KRTAP19-1: variants seen among roughly 807,000 people sequenced by gnomAD.
KRTAP19-1 encodes the protein keratin-associated protein 19-1.
For missense variants in KRTAP19-1, 116 were observed against 113.6 expected (o/e 1.02, Z -0.10); for synonymous variants, 45 against 48.3 (o/e 0.93, Z 0.28).
Position 30,480,112 on chromosome 21 carries a change from C to A in KRTAP19-1, c.206G>T (p.Gly69Val), listed in dbSNP as rs1985728821. ...FGGYGYGSGF[G>V]GYGYGCCRPS... ...GCGGCAGCAGCCATATCCATAGCCTCCAAAGCCAGAGCCATATCCGTAGCC... is the reference window on the plus strand; with the variant it reads ...GCGGCAGCAGCCATATCCATAGCCTACAAAGCCAGAGCCATATCCGTAGCC... Residue 69 changes from glycine to valine, a missense_variant, in exon 1 of 1, where the codon GGA (glycine) becomes GTA (valine). Gly to Val is a moderately radical substitution (Grantham distance 109). Coordinates refer to ENST00000390689, the MANE Select transcript of KRTAP19-1 (RefSeq NM_181607.3). 2 of 1,600,112 alleles carry A rather than the reference C, an allele frequency of 1.2e-6. No individual in the cohort carries two copies. The highest frequency in any genetic ancestry group is 1.3e-5 in the African/African-American group (1 of 74,704).
chr21:30,479,860 A>T lies in KRTAP19-1; in HGVS notation c.*185T>A, dbSNP rs1985720063. 1 of 841,522 alleles carries T rather than the reference A, an allele frequency of 1.2e-6. No individual in the cohort carries two copies. Among genetic ancestry groups the T allele is most frequent in the Non-Finnish European group, 1.8e-6 (1 of 540,992 alleles). 52.1% of individuals were successfully genotyped at this position (841,522 alleles called of 1,614,324 possible). A position where few individuals can be genotyped will look rare whatever the true frequency, so the allele number is the denominator to read the frequency against. ...ACATGAATATGATTTCAGGTGACGGACTCCGAAAGTAAAAAGACAACAAAT... is the reference window on the plus strand; with the variant it reads ...ACATGAATATGATTTCAGGTGACGGTCTCCGAAAGTAAAAAGACAACAAAT... On this transcript the variant is annotated 3_prime_UTR_variant, in exon 1 of 1. Coordinates refer to ENST00000390689, the MANE Select transcript of KRTAP19-1 (RefSeq NM_181607.3).
At position 30,480,313 on chromosome 21, in the gene KRTAP19-1, C is replaced by T; in HGVS notation, c.5G>A (p.Ser2Asn). Residue 2 changes from serine (S) to asparagine (N), a missense_variant, in exon 1 of 1, where the codon AGT becomes AAT. Coordinates refer to ENST00000390689, the MANE Select transcript of KRTAP19-1 (RefSeq NM_181607.3). M[S>N]HYGSYYGGLG... ...GCCTCCGTAGTAGCTGCCGTAGTGA[C>T]TCATGGTGTCAGGAGTGGTGAGTTG... The T allele has an allele frequency of 6.2e-7, 1 of 1,614,158 alleles. No individual in the cohort carries two copies. The highest frequency in any genetic ancestry group is 8.5e-7 in the Non-Finnish European group (1 of 1,180,006).
In KRTAP19-1 at chr21:30,480,274, C is replaced by T; in HGVS notation, c.44G>A (p.Cys15Tyr). The T allele has an allele frequency of 5.6e-6, 9 of 1,614,208 alleles. No homozygotes were observed. The highest frequency in any genetic ancestry group is 7.6e-6 in the Non-Finnish European group (9 of 1,180,032). Residue 15 changes from cysteine (C) to tyrosine (Y), a missense_variant, in exon 1 of 1, where the codon TGT becomes TAT. By Grantham distance (194) the Cys-to-Tyr change is radical. Coordinates refer to ENST00000390689, the MANE Select transcript of KRTAP19-1 (RefSeq NM_181607.3). The part of the protein sequence containing the change: ...GSYYGGLGYS[C>Y]GGFGGLGYGY... ...ATAGCCCAGGCCACCGAAGCCTCCA[C>T]AGCTGTAGCCCAGGCCTCCGTAGTA...
chr21:30,480,363 A>T lies in KRTAP19-1; in HGVS notation c.-46T>A. On this transcript the variant is annotated 5_prime_UTR_variant, in exon 1 of 1. Coordinates refer to ENST00000390689, the MANE Select transcript of KRTAP19-1 (RefSeq NM_181607.3). Reference sequence around the variant, plus strand: ...GGTTTGTTGTTCAGGCAAGATCCTGAGTGTGAATGCCAGCATGTATAGGAG... The same window carrying T: ...GGTTTGTTGTTCAGGCAAGATCCTGTGTGTGAATGCCAGCATGTATAGGAG... 6.2e-7 allele frequency: 1 copy of T among 1,608,836 alleles called. No individual in the cohort carries two copies. Among genetic ancestry groups the T allele is most frequent in the Non-Finnish European group, 8.5e-7 (1 of 1,175,614 alleles).
rs1166711679 is a variant in KRTAP19-1 at position 30,480,105 on chromosome 21, A to G, written c.213T>C (p.Tyr71=). 3.1e-6 allele frequency: 5 copies of G among 1,613,876 alleles called. No individual in the cohort carries two copies. The highest frequency in any genetic ancestry group is 2.7e-5 in the African/African-American group (2 of 74,902). ...ACGATGGGCGGCAGCAGCCATATCC[A>G]TAGCCTCCAAAGCCAGAGCCATATC... ...GYGYGSGFGG[Y]GYGCCRPSYN... The change falls in exon 1 of 1, where the codon TAT becomes TAC. Residue 71 remains tyrosine, a synonymous_variant. Transcript: ENST00000390689.
Position 30,479,858 on chromosome 21 carries a change from G to T in KRTAP19-1, c.*187C>A, listed in dbSNP as rs879339238. 1.2e-6 allele frequency: 1 copy of T among 828,372 alleles called. No individual in the cohort carries two copies. The allele number at this position is 828,372 out of a possible 1,614,324, so 51.3% of individuals were successfully genotyped here. ...ATACATGAATATGATTTCAGGTGAC[G>T]GACTCCGAAAGTAAAAAGACAACAA... On this transcript the variant is annotated 3_prime_UTR_variant, in exon 1 of 1. Coordinates refer to ENST00000390689, the MANE Select transcript of KRTAP19-1 (RefSeq NM_181607.3).
Position 30,479,986 on chromosome 21 carries a change from C to T in KRTAP19-1, c.*59G>A. The T allele has an allele frequency of 1.1e-5, 18 of 1,600,634 alleles. 1 individual carries two copies. Among genetic ancestry groups the T allele is most frequent in the South Asian group, 1.1e-5 (1 of 90,312 alleles). On this transcript the variant is annotated 3_prime_UTR_variant, in exon 1 of 1. Coordinates refer to ENST00000390689, the MANE Select transcript of KRTAP19-1 (RefSeq NM_181607.3). Reference sequence around the variant, plus strand: ...AGAATGGATTTTTGGAATGAAAGCACGGGACAGGACCAAACACATTTGGAG... The same window carrying T: ...AGAATGGATTTTTGGAATGAAAGCATGGGACAGGACCAAACACATTTGGAG...
chr21:30,479,852 G>A lies in KRTAP19-1; in HGVS notation c.*193C>T, dbSNP rs1985719748. On this transcript the variant is annotated 3_prime_UTR_variant, in exon 1 of 1. Coordinates refer to ENST00000390689, the MANE Select transcript of KRTAP19-1 (RefSeq NM_181607.3). Reference sequence around the variant, plus strand: ...GTAGTTATACATGAATATGATTTCAGGTGACGGACTCCGAAAGTAAAAAGA... The same window carrying A: ...GTAGTTATACATGAATATGATTTCAAGTGACGGACTCCGAAAGTAAAAAGA... 1 of 783,716 alleles carries A rather than the reference G, an allele frequency of 1.3e-6. No individual in the cohort carries two copies. The highest frequency in any genetic ancestry group is 2.6e-5 in the East Asian group (1 of 39,200). 48.5% of individuals were successfully genotyped at this position (783,716 alleles called of 1,614,324 possible).
In KRTAP19-1 at chr21:30,479,805, A is replaced by C; in HGVS notation, c.*240T>G. ...GTAATGGTGGTAAGAAAAATAAAGC[A>C]AATTTAGAAGAACAACCTAGAGTAG... On this transcript the variant is annotated 3_prime_UTR_variant, in exon 1 of 1. Coordinates refer to ENST00000390689, the MANE Select transcript of KRTAP19-1 (RefSeq NM_181607.3). 1.7e-6 allele frequency: 1 copy of C among 573,768 alleles called. No individual in the cohort carries two copies. Among genetic ancestry groups the C allele is most frequent in the East Asian group, 3.0e-5 (1 of 33,316 alleles). The allele number at this position is 573,768 out of a possible 1,614,324, so 35.5% of individuals were successfully genotyped here.
Position 30,480,123 on chromosome 21 carries a change from G to A in KRTAP19-1, c.195C>T (p.Gly65=). Residue 65 remains glycine, a synonymous_variant, in exon 1 of 1, where the codon GGC becomes GGT. Coordinates refer to ENST00000390689, the MANE Select transcript of KRTAP19-1 (RefSeq NM_181607.3). ...CATATCCATAGCCTCCAAAGCCAGA[G>A]CCATATCCGTAGCCTCCAAAGCCAG... ...YGSGFGGYGY[G]SGFGGYGYGC... 1 of 1,600,296 alleles carries A rather than the reference G, an allele frequency of 6.2e-7. No individual in the cohort carries two copies. Among genetic ancestry groups the A allele is most frequent in the South Asian group, 1.1e-5 (1 of 91,034 alleles).
At position 30,479,907 on chromosome 21, in the gene KRTAP19-1, C is replaced by A. The variant is rs1212768414; in HGVS notation, c.*138G>T. 9.2e-6 allele frequency: 11 copies of A among 1,195,034 alleles called. No homozygotes were observed. Among genetic ancestry groups the A allele is most frequent in the East Asian group, 4.7e-5 (2 of 42,634 alleles). 74.0% of individuals were successfully genotyped at this position (1,195,034 alleles called of 1,614,324 possible). ...AAATATTCACAGAAGCAGCTTAAATCTATTTTAAAGATTTAACATAGCTAA... is the reference window on the plus strand; with the variant it reads ...AAATATTCACAGAAGCAGCTTAAATATATTTTAAAGATTTAACATAGCTAA... On this transcript the variant is annotated 3_prime_UTR_variant, in exon 1 of 1. Coordinates refer to ENST00000390689, the MANE Select transcript of KRTAP19-1 (RefSeq NM_181607.3).
Position 30,480,087 on chromosome 21 carries a change from G to A in KRTAP19-1, c.231C>T (p.Arg77=), listed in dbSNP as rs750274415. ...GFGGYGYGCC[R]PSYNGGYGFS... The stretch of plus-strand genomic sequence containing the variant: ...ATCCGTATCCTCCATTGTACGATGG[G>A]CGGCAGCAGCCATATCCATAGCCTC... Residue 77 remains arginine (R), a synonymous_variant, in exon 1 of 1, where the codon CGC becomes CGT. Transcript: ENST00000390689. 6.2e-6 allele frequency: 10 copies of A among 1,613,904 alleles called. No homozygotes were observed. Among genetic ancestry groups the A allele is most frequent in the Non-Finnish European group, 6.8e-6 (8 of 1,180,022 alleles).
At position 30,479,902 on chromosome 21, in the gene KRTAP19-1, T is replaced by C; in HGVS notation, c.*143A>G. The C allele has an allele frequency of 8.6e-7, 1 of 1,158,574 alleles. No individual in the cohort carries two copies. Among genetic ancestry groups the C allele is most frequent in the Non-Finnish European group, 1.2e-6 (1 of 812,874 alleles). 71.8% of individuals were successfully genotyped at this position (1,158,574 alleles called of 1,614,324 possible). On this transcript the variant is annotated 3_prime_UTR_variant, in exon 1 of 1. Coordinates refer to ENST00000390689, the MANE Select transcript of KRTAP19-1 (RefSeq NM_181607.3). ...ACAACAAATATTCACAGAAGCAGCTTAAATCTATTTTAAAGATTTAACATA... is the reference window on the plus strand; with the variant it reads ...ACAACAAATATTCACAGAAGCAGCTCAAATCTATTTTAAAGATTTAACATA...
In KRTAP19-1 at chr21:30,479,810, TAGA is replaced by T; in HGVS notation, c.*232_*234del. ...GGTGGTAAGAAAAATAAAGCAAATTTAGAAGAACAACCTAGAGTAGTTATACAT... is the reference window on the plus strand; with the variant it reads ...GGTGGTAAGAAAAATAAAGCAAATTTAGAACAACCTAGAGTAGTTATACAT... On this transcript the variant is annotated 3_prime_UTR_variant, in exon 1 of 1. Coordinates refer to ENST00000390689, the MANE Select transcript of KRTAP19-1 (RefSeq NM_181607.3). 1.7e-6 allele frequency: 1 copy of T among 585,264 alleles called. No individual in the cohort carries two copies. The highest frequency in any genetic ancestry group is 2.9e-6 in the Non-Finnish European group (1 of 343,830). The allele number at this position is 585,264 out of a possible 1,614,324, so 36.3% of individuals were successfully genotyped here. A position where few individuals can be genotyped will look rare whatever the true frequency, so the allele number is the denominator to read the frequency against.
chr21:30,480,205 C>G lies in KRTAP19-1; in HGVS notation c.113G>C (p.Gly38Ala). The G allele has an allele frequency of 1.9e-6, 3 of 1,614,154 alleles. No individual in the cohort carries two copies. The highest frequency in any genetic ancestry group is 2.5e-6 in the Non-Finnish European group (3 of 1,180,040). Residue 38 changes from glycine (G) to alanine (A), a missense_variant, in exon 1 of 1, where the codon GGC (glycine) becomes GCC (alanine). Gly to Ala is a moderately conservative substitution (Grantham distance 60). Coordinates refer to ENST00000390689, the MANE Select transcript of KRTAP19-1 (RefSeq NM_181607.3). ...ATATCCGTAGCCTCCATAGCCACAG[C>G]CAGAACCCCGTCTGCAGAAGCTGCC... ...GCGSFCRRGS[G>A]CGYGGYGYGS... is the part of the protein sequence containing the mutation.
chr21:30,480,032 T>C lies in KRTAP19-1; in HGVS notation c.*13A>G. 1.2e-6 allele frequency: 2 copies of C among 1,614,172 alleles called. No individual in the cohort carries two copies. Among genetic ancestry groups the C allele is most frequent in the Non-Finnish European group, 8.5e-7 (1 of 1,180,018 alleles). The stretch of plus-strand genomic sequence containing the variant: ...TGGAGGTTTCTCCTCTGCTTCCAAT[T>C]TCAGCAATTCATTTAATAAAAGCCA... On this transcript the variant is annotated 3_prime_UTR_variant, in exon 1 of 1. Transcript: ENST00000390689.
At position 30,480,101 on chromosome 21, in the gene KRTAP19-1, A is replaced by T. The variant is rs1408891532; in HGVS notation, c.217T>A (p.Tyr73Asn). ...TTGTACGATGGGCGGCAGCAGCCAT[A>T]TCCATAGCCTCCAAAGCCAGAGCCA... ...GYGSGFGGYG[Y>N]GCCRPSYNGG... The change falls in exon 1 of 1, where the codon TAT (tyrosine) becomes AAT (asparagine). Residue 73 changes from tyrosine (Y) to asparagine (N), a missense_variant. By Grantham distance (143) the Tyr-to-Asn change is moderately radical (BLOSUM62 -2). Coordinates refer to ENST00000390689, the MANE Select transcript of KRTAP19-1 (RefSeq NM_181607.3). 1.9e-6 allele frequency: 3 copies of T among 1,614,022 alleles called. No homozygotes were observed. In the East Asian group the frequency reaches 6.7e-5, roughly 36 times the overall value.
rs191095614 is a variant in KRTAP19-1, at chr21:30,479,841, A to C, written c.*204T>G. Reference sequence around the variant, plus strand: ...AACAACCTAGAGTAGTTATACATGAATATGATTTCAGGTGACGGACTCCGA... The same window carrying C: ...AACAACCTAGAGTAGTTATACATGACTATGATTTCAGGTGACGGACTCCGA... On this transcript the variant is annotated 3_prime_UTR_variant, in exon 1 of 1. Coordinates refer to ENST00000390689, the MANE Select transcript of KRTAP19-1 (RefSeq NM_181607.3). 1.9e-5 allele frequency: 14 copies of C among 723,656 alleles called. No homozygotes were observed. The East Asian group carries it at 3.7e-4, about 19-fold the overall frequency. The allele number at this position is 723,656 out of a possible 1,614,324, so 44.8% of individuals were successfully genotyped here. A position where few individuals can be genotyped will look rare whatever the true frequency, so the allele number is the denominator to read the frequency against.
Position 30,479,876 on chromosome 21 carries a change from G to T in KRTAP19-1, c.*169C>A. ...AGGTGACGGACTCCGAAAGTAAAAA[G>T]ACAACAAATATTCACAGAAGCAGCT... On this transcript the variant is annotated 3_prime_UTR_variant, in exon 1 of 1. Transcript: ENST00000390689. 1 of 954,516 alleles carries T rather than the reference G, an allele frequency of 1.0e-6. No homozygotes were observed. The highest frequency in any genetic ancestry group is 1.6e-6 in the Non-Finnish European group (1 of 635,612). 59.1% of individuals were successfully genotyped at this position (954,516 alleles called of 1,614,324 possible).
Sources: allele counts gnomAD v4.1 joint callset, GRCh38; gene constraint gnomAD v4.1.1; transcripts MANE v1.5; gene names NCBI Gene and HGNC (gene_info 2026-07-23, HGNC 2026-07-21).